FTCDNL1: variants seen among roughly 807,000 people sequenced by gnomAD.
FTCDNL1 encodes formiminotransferase cyclodeaminase N-terminal like, also known as formiminotransferase N-terminal subdomain-containing protein.
In FTCDNL1, 11 loss-of-function variants were observed where a neutral mutation model predicts 5.9. The observed-to-expected ratio is 1.87, with a 90% CI of 1.18 to 3.10. The LOEUF is 3.10. FTCDNL1 is among the 30% of genes most tolerant of loss of function. FTCDNL1 has a pLI of 0.00. For missense variants in FTCDNL1, 115 were observed against 65.5 expected (o/e 1.76, Z -2.61); for synonymous variants, 58 against 24.8 (o/e 2.34, Z -3.99).
chr2:199,809,142 C>T (rs1700887574), downstream of FTCDNL1, among the ~76,000 whole-genome samples: 1 of 151,996 alleles, frequency 6.6e-6, no homozygotes, highest in Admixed American at 6.6e-5. Context: ...AAAACACACA[C>T]AGAATTGGAA....
At chr2:199,776,956 ATATGTG>A (rs1419714393) in intron 3 of FTCDNL1, among the ~76,000 whole-genome samples, 21 of 110,230 alleles carry the variant, frequency 1.9e-4, no homozygotes, top group East Asian at 9.7e-4. Flanking sequence ...AGATGTGTGT[ATATGTG>A]TGTGTGTGTG....
chr2:199,785,335 C>T (rs1699585809), intron 3 of FTCDNL1, among the ~76,000 whole-genome samples: 1 of 133,556 alleles, frequency 7.5e-6, no homozygotes, highest in Admixed American at 8.7e-5. Flanking sequence ...GTGAGCTCCA[C>T]CTCCCGGGTT....
chr2:199,801,934 T>C (rs990558992), intron 3 of FTCDNL1, among the ~76,000 whole-genome samples: 4 of 139,674 alleles, frequency 2.9e-5, no homozygotes, highest in African/African-American at 1.1e-4. Context: ...CGAGACTCCA[T>C]CTCAAAAAAA....
intron 3 of FTCDNL1, among the ~76,000 whole-genome samples, chr2:199,844,003 T>C (rs1230160472): frequency 2.0e-5 from 3 of 151,504 alleles, no homozygotes; most frequent in Non-Finnish European, 2.9e-5. Context: ...TTTAAGTGGA[T>C]TTTCAACCTC....
the FTCDNL1 span, among the ~76,000 whole-genome samples, chr2:199,682,362 A>C: frequency 6.6e-6 from 1 of 152,160 alleles, no homozygotes; most frequent in Non-Finnish European, 1.5e-5. Context: ...CAGCTGCCAC[A>C]ATCATGTCAG....
At chr2:199,755,801 A>G (rs1202803074), downstream of FTCDNL1, among the ~76,000 whole-genome samples, 6 of 152,186 alleles carry the variant, frequency 3.9e-5, no homozygotes, top group Non-Finnish European at 7.3e-5. Flanking sequence ...AGGGATGATA[A>G]TACATGTTTG....
chr2:199,733,309 G>A, the FTCDNL1 span, among the ~76,000 whole-genome samples: 1 of 152,222 alleles, frequency 6.6e-6, no homozygotes, highest in Non-Finnish European at 1.5e-5. Context: ...GCATGTAGCT[G>A]AAGAATGTCA....
chr2:199,733,556 G>T, the FTCDNL1 span, among the ~76,000 whole-genome samples: 2 of 152,196 alleles, frequency 1.3e-5, no homozygotes, highest in African/African-American at 2.4e-5. Context: ...CTCATCAGTG[G>T]AGCTACTGTA....
downstream of FTCDNL1, among the ~76,000 whole-genome samples, chr2:199,805,450 A>G (rs1574565045): frequency 6.6e-6 from 1 of 152,054 alleles, no homozygotes; most frequent in East Asian, 1.9e-4. Flanking sequence ...TAAAAATGAA[A>G]CAAACTGGCT....
rs143789131 is a variant in FTCDNL1, at chr2:199,837,042, T to C, written c.211+9033A>G. On this transcript the variant is annotated intron_variant, in intron 3 of 4. Transcript: ENST00000420128. The stretch of plus-strand genomic sequence containing the variant: ...TTTCAAGTATGGCTGGGTTCATCCA[T>C]AACTGCTGGTCATGGAAGATTAAGT... Among the ~76,000 whole-genome samples, 30 of 152,328 alleles carry C rather than the reference T, an allele frequency of 2.0e-4. No homozygotes were observed. The East Asian group carries it at 5.2e-3, about 26-fold the overall frequency.
the FTCDNL1 span, among the ~76,000 whole-genome samples, chr2:199,680,457 A>G: frequency 5.3e-5 from 8 of 152,222 alleles, no homozygotes; most frequent in African/African-American, 1.7e-4. Flanking sequence ...TCTGAAAATC[A>G]TATCATATAC....
the FTCDNL1 span, among the ~76,000 whole-genome samples, chr2:199,705,378 A>G: frequency 1.3e-5 from 2 of 152,086 alleles, no homozygotes; most frequent in Non-Finnish European, 2.9e-5. Flanking sequence ...TTTTTATCCT[A>G]TTGTAAATTA....
At position 199,809,785 on chromosome 2, in the gene FTCDNL1, C is replaced by T. The variant is rs1339843151; in HGVS notation, c.*2920G>A. Among the ~76,000 whole-genome samples, 4 of 152,100 alleles carry T rather than the reference C, an allele frequency of 2.6e-5. No homozygotes were observed. The highest frequency in any genetic ancestry group is 5.9e-5 in the Non-Finnish European group (4 of 68,020). On this transcript the variant is annotated 3_prime_UTR_variant, in exon 5 of 5. Transcript: ENST00000420128. ...ATATAAACATTTCAAAATTCTATAT[C>T]TGGTTTATGAGCAGCAGATCATCTT...
the FTCDNL1 span, among the ~76,000 whole-genome samples, chr2:199,732,395 T>C: frequency 6.6e-6 from 1 of 152,218 alleles, no homozygotes; most frequent in Non-Finnish European, 1.5e-5. Flanking sequence ...TTATCAAGCA[T>C]TCATATGGGT....
At chr2:199,748,151 AATGAAAGT>A in the FTCDNL1 span, among the ~76,000 whole-genome samples, 5 of 152,236 alleles carry the variant, frequency 3.3e-5, no homozygotes, top group Non-Finnish European at 5.9e-5. Flanking sequence ...ATAATAATTC[AATGAAAGT>A]ATGAAAGTAT....
the FTCDNL1 span, among the ~76,000 whole-genome samples, chr2:199,753,581 T>G: frequency 6.6e-6 from 1 of 152,238 alleles, no homozygotes; most frequent in Non-Finnish European, 1.5e-5. Flanking sequence ...CCCAATGTGA[T>G]GGAACAAGCG....
At chr2:199,819,440 G>A in intron 4 of FTCDNL1, 132 bp downstream of exon 4, 2 of 614,780 alleles carry the variant, frequency 3.3e-6, no homozygotes, top group Non-Finnish European at 2.9e-6. Context: ...CAGCAGAAAG[G>A]AGAGCCTCAC....
chr2:199,779,315 A>T (rs1315296222), intron 3 of FTCDNL1, among the ~76,000 whole-genome samples: 1 of 152,346 alleles, frequency 6.6e-6, no homozygotes, highest in East Asian at 1.9e-4. Context: ...AAACTTCCCA[A>T]ATTTACTGGA....
chr2:199,793,892 T>A (rs1454844068), intron 3 of FTCDNL1, among the ~76,000 whole-genome samples: 1 of 152,238 alleles, frequency 6.6e-6, no homozygotes, highest in Non-Finnish European at 1.5e-5. Flanking sequence ...CACTTCATTA[T>A]CATTTTTTTC....
Sources: allele counts gnomAD v4.1 joint callset (sites outside exome capture counted in the v4.1 genomes callset), GRCh38; gene constraint gnomAD v4.1.1; transcripts MANE v1.5; gene names NCBI Gene and HGNC (gene_info 2026-07-23, HGNC 2026-07-21).